The following GREP1 variants were observed in gnomAD, a reference collection of about 807,000 sequenced individuals.
GREP1 encodes glycine rich extracellular protein 1.
At chr16:2,994,081 T>G (rs971425137) in intron 10 of GREP1, 2 of 152,442 alleles carry the variant, frequency 1.3e-5, no homozygotes, top group African/African-American at 4.8e-5. Flanking sequence ...CAGTATGGGC[T>G]GAGGCTGCCC....
At chr16:3,000,266 G>C (rs909718685) in intron 29 of GREP1, 148 bp downstream of exon 26, 2 of 399,286 alleles carry the variant, frequency 5.0e-6, no homozygotes. Flanking sequence ...CCTGTCCCTA[G>C]CTCCTCTCCA....
intron 27 of GREP1, among the ~76,000 whole-genome samples, 192 bp from the exon 25 acceptor site, chr16:2,999,710 C>A (rs1425717949): frequency 6.6e-6 from 1 of 152,182 alleles, no homozygotes; most frequent in Non-Finnish European, 1.5e-5. Context: ...CCTCAGCCTC[C>A]CAAAGTGCTG....
chr16:2,999,077 C>T, intron 26 of GREP1, 98 bp downstream of exon 24: 1 of 398,652 alleles, frequency 2.5e-6, no homozygotes, highest in Non-Finnish European at 4.4e-6. Context: ...CCTCGGATGC[C>T]AAGGCTCAGA....
chr16:2,995,808 C>A (rs766219306), intron 17 of GREP1, 37 bp downstream of exon 17: 10 of 398,436 alleles, frequency 2.5e-5, no homozygotes, highest in Non-Finnish European at 4.0e-5. Context: ...TCTCTATGCA[C>A]GAACCCCTGA....
Position 2,995,784 on chromosome 16 carries a change from C to G in GREP1, c.622+13C>G. 1 of 398,666 alleles carries G rather than the reference C, an allele frequency of 2.5e-6. No individual in the cohort carries two copies. The highest frequency in any genetic ancestry group is 4.4e-6 in the Non-Finnish European group (1 of 226,110). 24.7% of individuals were successfully genotyped at this position (398,666 alleles called of 1,614,324 possible). A position where few individuals can be genotyped will look rare whatever the true frequency, so the allele number is the denominator to read the frequency against. On this transcript the variant is annotated intron_variant, in intron 17 of 34. Coordinates refer to ENST00000573315, the Ensembl canonical transcript of GREP1. ...CCTCTGAAGCCAGGTGAGCCCCGCC[C>G]GCCCTGGTCTGCCTCTCTATGCACG...
chr16:2,995,965 C>T (rs1465433331), intron 18 of GREP1, 194 bp downstream of exon 17: 8 of 394,696 alleles, frequency 2.0e-5, no homozygotes, highest in Non-Finnish European at 3.6e-5. Context: ...TGGAGTCTTG[C>T]TCTGTCGCCC....
chr16:3,001,710 C>T (rs530462847), exon 35 of GREP1: 80 of 398,730 alleles, frequency 2.0e-4, no homozygotes, highest in African/African-American at 1.5e-3. Flanking sequence ...CTTGCCTCCG[C>T]GTGCCATGCA....
In GREP1 at chr16:2,992,575, C is replaced by T. The variant is rs368486164; in HGVS notation, c.323-230C>T. 48 of 372,932 alleles carry T rather than the reference C, an allele frequency of 1.3e-4. No homozygotes were observed. Among genetic ancestry groups the T allele is most frequent in the African/African-American group, 8.9e-4 (43 of 48,246 alleles). 23.1% of individuals were successfully genotyped at this position (372,932 alleles called of 1,614,324 possible). On this transcript the variant is annotated intron_variant, in intron 8 of 34. Coordinates refer to ENST00000573315, the Ensembl canonical transcript of GREP1. The surrounding 1 kb of genome is among the most constrained non-coding windows in gnomAD (Gnocchi z 4.9). ...TGAGCACCCGTCCCAAGCCAGGCCT[C>T]GGCTGGCCATGGAGGACACCCAAGC...
Position 2,992,749 on chromosome 16 carries a change from C to A in GREP1, c.323-56C>A. The A allele has an allele frequency of 5.0e-6, 2 of 399,196 alleles. No individual in the cohort carries two copies. Among genetic ancestry groups the A allele is most frequent in the Non-Finnish European group, 8.8e-6 (2 of 226,230 alleles). The allele number at this position is 399,196 out of a possible 1,614,324, so 24.7% of individuals were successfully genotyped here. ...GAAAGGGAGAGGGCAGGGCTCCAGG[C>A]CCCAGCTCATCCCCACTGCACCACC... On this transcript the variant is annotated intron_variant, in intron 8 of 34. Transcript: ENST00000573315. The surrounding 1 kb of genome is among the most constrained non-coding windows in gnomAD (Gnocchi z 4.9).
At chr16:3,001,653 C>G in exon 35 of GREP1, 2 of 399,148 alleles carry the variant, frequency 5.0e-6, no homozygotes, top group Non-Finnish European at 8.8e-6. Context: ...CTGGTGCTGC[C>G]TGGCCGGGGG....
At chr16:2,990,046 T>G in intron 4 of GREP1, 40 bp downstream of exon 4, 1 of 399,474 alleles carries the variant, frequency 2.5e-6, no homozygotes, top group East Asian at 3.6e-5. Context: ...TCTCCCCCTC[T>G]TTCTCTCACA....
chr16:2,992,469 G>A lies in GREP1; in HGVS notation c.323-336G>A, dbSNP rs2072404051. ...GGCCGAAGGGGCTGGGGTGGCTGGG[G>A]GAGAGGTCAGGGGCCCAGGGCCACA... On this transcript the variant is annotated intron_variant, in intron 8 of 34. Transcript: ENST00000573315. This position sits in a 1 kb window ranked among gnomAD's most constrained non-coding sequence, Gnocchi z 4.9. The A allele has an allele frequency of 4.9e-6, 1 of 204,336 alleles. No homozygotes were observed. Among genetic ancestry groups the A allele is most frequent in the Non-Finnish European group, 9.7e-6 (1 of 102,926 alleles). The allele number at this position is 204,336 out of a possible 1,614,324, so 12.7% of individuals were successfully genotyped here. A position where few individuals can be genotyped will look rare whatever the true frequency, so the allele number is the denominator to read the frequency against.
At chr16:2,996,152 C>T (rs1470659710) in intron 18 of GREP1, among the ~76,000 whole-genome samples, 1 of 152,182 alleles carries the variant, frequency 6.6e-6, no homozygotes, top group African/African-American at 2.4e-5. Flanking sequence ...AGGCTGGTCT[C>T]GAACTCCTGA....
In GREP1 at chr16:2,991,229, T is replaced by A. The variant is rs184635056; in HGVS notation, c.322+128T>A. 17 of 397,310 alleles carry A rather than the reference T, an allele frequency of 4.3e-5. No homozygotes were observed. The highest frequency in any genetic ancestry group is 8.8e-5 in the Admixed American group (2 of 22,680). The allele number at this position is 397,310 out of a possible 1,614,324, so 24.6% of individuals were successfully genotyped here. A position where few individuals can be genotyped will look rare whatever the true frequency, so the allele number is the denominator to read the frequency against. Reference sequence around the variant, plus strand: ...GGGAGGGCAGGGCTCAGCCACTCTGTCCCTTCCCAGGCCTGGGAGTGGGCG... The same window carrying A: ...GGGAGGGCAGGGCTCAGCCACTCTGACCCTTCCCAGGCCTGGGAGTGGGCG... On this transcript the variant is annotated intron_variant, in intron 8 of 34. Transcript: ENST00000573315. This position sits in a 1 kb window ranked among gnomAD's most constrained non-coding sequence, Gnocchi z 4.9.
chr16:3,000,677 T>C (rs1290596037), intron 32 of GREP1, 37 bp from the exon 27 acceptor site: 1 of 398,710 alleles, frequency 2.5e-6, no homozygotes, highest in Non-Finnish European at 4.4e-6. Flanking sequence ...CCAGCTCCTG[T>C]GGGCAAGGGT....
At chr16:3,000,102 C>T (rs1442243319) in exon 29 of GREP1, 5 of 398,920 alleles carry the variant, frequency 1.3e-5, no homozygotes, top group East Asian at 3.6e-5. Context: ...ATGGTGGCCT[C>T]GAGCCACAGA....
At chr16:2,993,889 G>C in intron 10 of GREP1, 1 of 151,696 alleles carries the variant, frequency 6.6e-6, no homozygotes, top group East Asian at 1.9e-4. Context: ...GAACCCAGGA[G>C]GCGGAGCTTG....
intron 5 of GREP1, 128 bp downstream of exon 5, chr16:2,990,250 G>T: frequency 5.0e-6 from 2 of 397,992 alleles, no homozygotes; most frequent in Admixed American, 4.4e-5. Context: ...TTAGTCCAAG[G>T]GGGGGTTCAA....
At position 2,991,111 on chromosome 16, in the gene GREP1, C is replaced by G. The variant is rs1056546828; in HGVS notation, c.322+10C>G. 6 of 399,058 alleles carry G rather than the reference C, an allele frequency of 1.5e-5. No homozygotes were observed. The Admixed American group carries it at 1.8e-4, about 12-fold the overall frequency. 24.7% of individuals were successfully genotyped at this position (399,058 alleles called of 1,614,324 possible). On this transcript the variant is annotated intron_variant, in intron 8 of 34. Transcript: ENST00000573315. This position sits in a 1 kb window ranked among gnomAD's most constrained non-coding sequence, Gnocchi z 4.9. ...GCCGGAGCCCAGTCAGGTGAGGAAA[C>G]GTCGGGTGTGGCAGGACCTGGGCTT... is the stretch of plus-strand genomic sequence containing the variant.
Sources: gnomAD v4.1 joint callset for allele counts (sites outside exome capture counted in the v4.1 genomes callset) on GRCh38, gnomAD v4.1.1 for gene constraint, Gnocchi (gnomAD v3.1) non-coding constraint, MANE v1.5 for transcripts, NCBI Gene and HGNC (gene_info 2026-07-23, HGNC 2026-07-21) for gene names.